THSD7B: variants seen among roughly 807,000 people sequenced by gnomAD.
The protein encoded by THSD7B is thrombospondin type 1 domain containing 7B.
THSD7B carries 138 observed loss-of-function variants against 213.6 expected under a neutral mutation model. The ratio of observed to expected loss-of-function variants is 0.65; its 90% confidence interval spans 0.56 to 0.74. The LOEUF (loss-of-function observed/expected upper bound fraction) is 0.74, where lower values mean the gene tolerates loss of function less well. Among genes scored for constraint, THSD7B ranks in the 30% least tolerant of loss-of-function variants. The pLI is 0.00. For synonymous variants in THSD7B, 742 were observed against 687.0 expected, an observed-to-expected ratio of 1.08 and a Z score of -1.25; for missense variants, 1,931 against 1,991.5, an observed-to-expected ratio of 0.97 and a Z score of 0.58.
intron 1 of THSD7B, among the ~76,000 whole-genome samples, chr2:136,859,760 T>A (rs1425538556): frequency 6.6e-6 from 1 of 152,198 alleles, no homozygotes; most frequent in Non-Finnish European, 1.5e-5. Context: ...TGGCATTTTT[T>A]AAAAAGAGAA....
At chr2:136,890,389 C>CTTCT (rs1558840024) in intron 2 of THSD7B, among the ~76,000 whole-genome samples, 2 of 542 alleles carry the variant, frequency 3.7e-3, no homozygotes, top group African/African-American at 9.2e-3. Context: ...CTTCCTCTTC[C>CTTCT]TCTTCCTCTT....
At chr2:136,911,350 T>TG (rs1684253707) in intron 2 of THSD7B, among the ~76,000 whole-genome samples, 1 of 152,202 alleles carries the variant, frequency 6.6e-6, no homozygotes, top group Admixed American at 6.5e-5. Flanking sequence ...TTAACAAAAT[T>TG]GGTAAAATTG....
chr2:137,120,760 C>T (rs112928592), intron 5 of THSD7B, among the ~76,000 whole-genome samples: 2 of 152,146 alleles, frequency 1.3e-5, no homozygotes, highest in East Asian at 1.9e-4. Context: ...GAATAGTTAG[C>T]GTGTCACGCT....
chr2:137,171,074 C>A (rs1245324581), intron 7 of THSD7B, 136 bp downstream of exon 7: 4 of 988,630 alleles, frequency 4.0e-6, no homozygotes, highest in Non-Finnish European at 6.0e-6. Flanking sequence ...ATGTTTACAT[C>A]GAGTGACACA....
chr2:137,540,748 T>C (rs1416217018), intron 15 of THSD7B, among the ~76,000 whole-genome samples: 1 of 151,728 alleles, frequency 6.6e-6, no homozygotes, highest in Non-Finnish European at 1.5e-5. Context: ...ATTGTTTAAC[T>C]TGTAGCTACC....
intron 12 of THSD7B, among the ~76,000 whole-genome samples, chr2:137,396,771 G>A (rs1289934290): frequency 2.0e-5 from 3 of 150,836 alleles, no homozygotes; most frequent in Non-Finnish European, 2.9e-5. Flanking sequence ...GGGTGTTAAA[G>A]TCTCCCATTA....
chr2:137,243,151 T>C (rs1681951678), intron 10 of THSD7B, among the ~76,000 whole-genome samples: 1 of 152,220 alleles, frequency 6.6e-6, no homozygotes, highest in African/African-American at 2.4e-5. Flanking sequence ...AAGTCCTAGA[T>C]GAACACATAG....
rs563161918 is a variant in THSD7B at position 136,969,186 on chromosome 2, T to G, written c.139+86869T>G. ...TTTTCTTTCAAAGCTCTTTTTGACC[T>G]CTTTGTCTATCCAGTTTTGAATGTT... On this transcript the variant is annotated intron_variant, in intron 2 of 27. Transcript: ENST00000409968. Among the ~76,000 whole-genome samples, 7 of 152,286 alleles carry G rather than the reference T, an allele frequency of 4.6e-5. No individual in the cohort carries two copies. The East Asian group carries it at 1.4e-3, about 29-fold the overall frequency.
At chr2:137,057,715 T>C (rs1687197951) in intron 3 of THSD7B, among the ~76,000 whole-genome samples, 1 of 152,242 alleles carries the variant, frequency 6.6e-6, no homozygotes, top group Non-Finnish European at 1.5e-5. Flanking sequence ...ACATCTGTGT[T>C]GTACATTTTT....
At chr2:137,603,343 CT>C (rs923538121) in intron 17 of THSD7B, among the ~76,000 whole-genome samples, 1 of 152,094 alleles carries the variant, frequency 6.6e-6, no homozygotes, top group African/African-American at 2.4e-5. Flanking sequence ...ACTTTAGTTT[CT>C]TTTTTTCTTT....
intron 27 of THSD7B, among the ~76,000 whole-genome samples, chr2:137,674,976 G>A (rs1683663897): frequency 6.6e-6 from 1 of 152,066 alleles, no homozygotes; most frequent in African/African-American, 2.4e-5. Flanking sequence ...TTTAAACTAG[G>A]AGTTTCTCCC....
intron 12 of THSD7B, among the ~76,000 whole-genome samples, chr2:137,361,052 A>C (rs557361672): frequency 8.6e-4 from 131 of 152,282 alleles, no homozygotes; most frequent in Admixed American, 2.6e-3. Flanking sequence ...AATATTTGCT[A>C]TTCTGCAGAC....
intron 17 of THSD7B, among the ~76,000 whole-genome samples, chr2:137,587,515 G>T (rs1302548974): frequency 6.6e-6 from 1 of 152,076 alleles, no homozygotes; most frequent in Non-Finnish European, 1.5e-5. Flanking sequence ...TGGGGTTTTG[G>T]TGTGGATGTC....
At chr2:137,587,351 C>G (rs967177928) in intron 17 of THSD7B, among the ~76,000 whole-genome samples, 1 of 152,220 alleles carries the variant, frequency 6.6e-6, no homozygotes, top group Non-Finnish European at 1.5e-5. Flanking sequence ...AAGTTATTAT[C>G]CATCTAGCTT....
chr2:137,176,338 AT>A (rs1159605727), intron 7 of THSD7B, among the ~76,000 whole-genome samples: 1 of 152,188 alleles, frequency 6.6e-6, no homozygotes, highest in African/African-American at 2.4e-5. Context: ...GATAATAGTA[AT>A]CAGATTTTTC....
chr2:137,564,844 T>A (rs891970375), intron 16 of THSD7B, among the ~76,000 whole-genome samples: 1 of 152,142 alleles, frequency 6.6e-6, no homozygotes, highest in East Asian at 1.9e-4. Context: ...TATTCTACAA[T>A]AGGATGAATT....
chr2:137,555,157 G>A (rs1232616449), intron 15 of THSD7B, among the ~76,000 whole-genome samples: 1 of 152,210 alleles, frequency 6.6e-6, no homozygotes, highest in Non-Finnish European at 1.5e-5. Context: ...AACCTCTGCA[G>A]ACTTAAATGT....
intron 7 of THSD7B, among the ~76,000 whole-genome samples, chr2:137,215,647 CT>C (rs1239002571): frequency 2.6e-5 from 4 of 152,090 alleles, no homozygotes; most frequent in Non-Finnish European, 4.4e-5. Flanking sequence ...ACTTGAACTC[CT>C]CTTTAAAGCT....
chr2:137,537,662 T>C (rs1450970746), intron 15 of THSD7B, among the ~76,000 whole-genome samples: 1 of 151,740 alleles, frequency 6.6e-6, no homozygotes, highest in Non-Finnish European at 1.5e-5. Context: ...ATTTGTGGTC[T>C]ATTACATAAA....
Sources: gnomAD v4.1 joint callset for allele counts (sites outside exome capture counted in the v4.1 genomes callset) on GRCh38, gnomAD v4.1.1 for gene constraint, MANE v1.5 for transcripts, NCBI Gene and HGNC (gene_info 2026-07-23, HGNC 2026-07-21) for gene names.